MPLKIP: variants seen among roughly 807,000 people sequenced by gnomAD.
MPLKIP encodes the protein M-phase-specific PLK1-interacting protein.
A neutral mutation model predicts 16.9 loss-of-function variants in MPLKIP; 16 were observed. That is an observed-to-expected ratio of 0.94 (90% confidence interval 0.64 to 1.43). The LOEUF (loss-of-function observed/expected upper bound fraction) is 1.43, where lower values mean the gene tolerates loss of function less well. Ranked by LOEUF, MPLKIP falls within the 40% of genes most tolerant of loss-of-function variation. MPLKIP has a pLI of 0.00. For synonymous variants in MPLKIP, 126 were observed against 98.4 expected (o/e 1.28, Z -1.66); for missense variants, 282 against 237.6 (o/e 1.19, Z -1.23).
At chr7:40,133,387 TACAAAGTCCATG>T (rs1787502175) in intron 1 of MPLKIP, 128 bp from the exon 2 acceptor site, 1 of 800,296 alleles carries the variant, frequency 1.2e-6, no homozygotes, top group South Asian at 1.4e-5. Flanking sequence ...AATGTTCAAT[TACAAAGTCCATG>T]CTTCCTTTAA....
In MPLKIP at chr7:40,133,094, T is replaced by C. The variant is rs1787488110; in HGVS notation, c.505A>G (p.Thr169Ala). 1.2e-6 allele frequency: 2 copies of C among 1,613,882 alleles called. No individual in the cohort carries two copies. The highest frequency in any genetic ancestry group is 3.3e-5 in the Admixed American group (2 of 59,982). The change falls in exon 2 of 2, where the codon ACA becomes GCA. Residue 169 changes from threonine (T) to alanine (A), a missense_variant. Coordinates refer to ENST00000306984, the MANE Select transcript of MPLKIP (RefSeq NM_138701.4). Reference sequence around the variant, plus strand: ...TATCTTCCTTTTTTGCCTGTGAATGTTTGAGTATTGCTGTATTGTTGGCTT... The same window carrying C: ...TATCTTCCTTTTTTGCCTGTGAATGCTTGAGTATTGCTGTATTGTTGGCTT... ...DISQQYSNTQ[T>A]FTGKKGRYFC
At chr7:40,133,956 G>C (rs1159760677) in intron 1 of MPLKIP, among the ~76,000 whole-genome samples, 3 of 151,880 alleles carry the variant, frequency 2.0e-5, no homozygotes, top group African/African-American at 7.3e-5. Flanking sequence ...TGGCAAACAG[G>C]AGGAAATGGA....
chr7:40,126,417 G>C lies in MPLKIP; in HGVS notation c.*6642C>G, dbSNP rs4723931. 0.56 allele frequency: 84,521 copies of C among 152,002 alleles called. 25,690 individuals are homozygous for C. Among genetic ancestry groups the C allele is most frequent in the African/African-American group, 0.82 (33,975 of 41,502 alleles). The allele number at this position is 152,002 out of a possible 1,614,324, so 9.4% of individuals were successfully genotyped here. A position where few individuals can be genotyped will look rare whatever the true frequency, so the allele number is the denominator to read the frequency against. On this transcript the variant is annotated 3_prime_UTR_variant, in exon 2 of 2. Coordinates refer to ENST00000306984, the MANE Select transcript of MPLKIP (RefSeq NM_138701.4). Reference sequence around the variant, plus strand: ...TCTCCTATGGTCATTTAGATTGTTGGCAATCTTTCAACTGTAAAAATTTTT... The same window carrying C: ...TCTCCTATGGTCATTTAGATTGTTGCCAATCTTTCAACTGTAAAAATTTTT...
chr7:40,133,911 AAG>A (rs1256306664), intron 1 of MPLKIP, among the ~76,000 whole-genome samples: 1 of 151,824 alleles, frequency 6.6e-6, no homozygotes. Context: ...AAAAAAGAAA[AAG>A]AACTATTTCT....
rs1449532169 is a variant in MPLKIP at position 40,128,458 on chromosome 7, A to G, written c.*4601T>C. On this transcript the variant is annotated 3_prime_UTR_variant, in exon 2 of 2. Coordinates refer to ENST00000306984, the MANE Select transcript of MPLKIP (RefSeq NM_138701.4). Reference sequence around the variant, plus strand: ...AGAATCTGAAAATGTTTCAGAAAATATAAATTCATGAACTTACTTCTAAAA... The same window carrying G: ...AGAATCTGAAAATGTTTCAGAAAATGTAAATTCATGAACTTACTTCTAAAA... The G allele has an allele frequency of 6.6e-6, 1 of 152,236 alleles. No individual in the cohort carries two copies. The highest frequency in any genetic ancestry group is 1.9e-4 in the East Asian group (1 of 5,200). 9.4% of individuals were successfully genotyped at this position (152,236 alleles called of 1,614,324 possible).
chr7:40,134,203 C>G (rs763510995), intron 1 of MPLKIP, 26 bp downstream of exon 1: 6 of 1,548,332 alleles, frequency 3.9e-6, no homozygotes, highest in Non-Finnish European at 4.4e-6. Context: ...AGTAAGAGCT[C>G]GGCAAACGCT....
chr7:40,133,385 A>G (rs1048930106), intron 1 of MPLKIP, 126 bp from the exon 2 acceptor site: 12 of 810,242 alleles, frequency 1.5e-5, no homozygotes, highest in African/African-American at 3.4e-5. Flanking sequence ...ATAATGTTCA[A>G]TTACAAAGTC....
Position 40,134,256 on chromosome 7 carries a change from G to C in MPLKIP, c.312C>G (p.Ser104=). ...PAGSQQQFGY[S]PGQQQTHPQG... is the part of the protein sequence containing the mutation. ...GGGGGTGGGTCTGCTGCTGCCCTGG[G>C]GAGTAGCCGAATTGCTGCTGGGACC... Residue 104 remains serine (S), a synonymous_variant, in exon 1 of 2, where the codon TCC becomes TCG. Coordinates refer to ENST00000306984, the MANE Select transcript of MPLKIP (RefSeq NM_138701.4). 6.4e-7 allele frequency: 1 copy of C among 1,559,786 alleles called. No homozygotes were observed. Among genetic ancestry groups the C allele is most frequent in the Non-Finnish European group, 8.7e-7 (1 of 1,151,778 alleles).
rs1787447301 is a variant in MPLKIP, at chr7:40,130,500, G to GT, written c.*2558dup. On this transcript the variant is annotated 3_prime_UTR_variant, in exon 2 of 2. Coordinates refer to ENST00000306984, the MANE Select transcript of MPLKIP (RefSeq NM_138701.4). ...AGCGTTAGCAAGAAATTTTACCTTT[G>GT]TTTTATGTTACACTTACAGTGAAAT... 1 of 152,108 alleles carries GT rather than the reference G, an allele frequency of 6.6e-6. No individual in the cohort carries two copies. The highest frequency in any genetic ancestry group is 2.1e-4 in the South Asian group (1 of 4,834). The allele number at this position is 152,108 out of a possible 1,614,324, so 9.4% of individuals were successfully genotyped here.
intron 1 of MPLKIP, 44 bp downstream of exon 1, chr7:40,134,185 T>G (rs1413722626): frequency 2.0e-6 from 3 of 1,535,140 alleles, no homozygotes; most frequent in African/African-American, 1.4e-5. Context: ...GTACCGTGCC[T>G]GCCATAAAGT....
rs753805134 is a variant in MPLKIP, at chr7:40,134,594, C to T, written c.-27G>A. The T allele has an allele frequency of 1.9e-6, 3 of 1,555,954 alleles. No individual in the cohort carries two copies. Among genetic ancestry groups the T allele is most frequent in the Admixed American group, 3.8e-5 (2 of 52,202 alleles). ...TCAGGAGCCAAAGCCGAAAACCTCGCAGCCGCGTTCTCCCACCGGAACTGT... is the reference window on the plus strand; with the variant it reads ...TCAGGAGCCAAAGCCGAAAACCTCGTAGCCGCGTTCTCCCACCGGAACTGT... On this transcript the variant is annotated 5_prime_UTR_variant, in exon 1 of 2. Coordinates refer to ENST00000306984, the MANE Select transcript of MPLKIP (RefSeq NM_138701.4).
At position 40,128,831 on chromosome 7, in the gene MPLKIP, G is replaced by C. The variant is rs1787424808; in HGVS notation, c.*4228C>G. The C allele has an allele frequency of 6.8e-6, 1 of 147,438 alleles. No individual in the cohort carries two copies. The highest frequency in any genetic ancestry group is 2.6e-5 in the African/African-American group (1 of 39,026). 9.1% of individuals were successfully genotyped at this position (147,438 alleles called of 1,614,324 possible). On this transcript the variant is annotated 3_prime_UTR_variant, in exon 2 of 2. Transcript: ENST00000306984. Reference sequence around the variant, plus strand: ...CTCGGGAGGCTGAGGCAGGAGAATTGCTTGAACTTGGGAGGCAGAGGTTGT... The same window carrying C: ...CTCGGGAGGCTGAGGCAGGAGAATTCCTTGAACTTGGGAGGCAGAGGTTGT...
chr7:40,133,699 G>A (rs1282515768), intron 1 of MPLKIP, among the ~76,000 whole-genome samples: 1 of 152,004 alleles, frequency 6.6e-6, no homozygotes, highest in African/African-American at 2.4e-5. Flanking sequence ...TAGGGGGTTG[G>A]TGTAGAATAC....
Position 40,134,490 on chromosome 7 carries a change from G to A in MPLKIP, c.78C>T (p.Ser26=), listed in dbSNP as rs762040983. 5.1e-5 allele frequency: 80 copies of A among 1,579,398 alleles called. No homozygotes were observed. Among genetic ancestry groups the A allele is most frequent in the Non-Finnish European group, 6.8e-5 (79 of 1,164,362 alleles). The change falls in exon 1 of 2, where the codon AGC becomes AGT. Residue 26 remains serine, a synonymous_variant. Coordinates refer to ENST00000306984, the MANE Select transcript of MPLKIP (RefSeq NM_138701.4). ...CGCCCCCGCCCGGGGTTCCCCGGAA[G>A]CTGCTTCCGCTACCCCAACCTCCTC... The part of the protein sequence containing the change: ...PGGGGWGSGS[S]FRGTPGGGGP...
rs1480669210 is a variant in MPLKIP at position 40,132,512 on chromosome 7, GTT to G, written c.*545_*546del. 1.2e-5 allele frequency: 2 copies of G among 163,380 alleles called. No homozygotes were observed. The highest frequency in any genetic ancestry group is 5.9e-5 in the Admixed American group (1 of 16,932). 10.1% of individuals were successfully genotyped at this position (163,380 alleles called of 1,614,324 possible). On this transcript the variant is annotated 3_prime_UTR_variant, in exon 2 of 2. Coordinates refer to ENST00000306984, the MANE Select transcript of MPLKIP (RefSeq NM_138701.4). ...CTTAAATGGGTTTCTGGGGCTTCAAGTTTTAATGCATTTTAACAGAAGCATTA... is the reference window on the plus strand; with the variant it reads ...CTTAAATGGGTTTCTGGGGCTTCAAGTTAATGCATTTTAACAGAAGCATTA...
At position 40,126,673 on chromosome 7, in the gene MPLKIP, C is replaced by T. The variant is rs184088355; in HGVS notation, c.*6386G>A. On this transcript the variant is annotated 3_prime_UTR_variant, in exon 2 of 2. Coordinates refer to ENST00000306984, the MANE Select transcript of MPLKIP (RefSeq NM_138701.4). ...CGAACTCCTGACCTCATGATCTGCC[C>T]GCCTCGGCCTCCCAAAGTGCTGGGA... 3,071 of 152,148 alleles carry T rather than the reference C, an allele frequency of 0.02. 44 individuals carry two copies. The highest frequency in any genetic ancestry group is 0.082 in the Middle Eastern group (24 of 294). The allele number at this position is 152,148 out of a possible 1,614,324, so 9.4% of individuals were successfully genotyped here. A position where few individuals can be genotyped will look rare whatever the true frequency, so the allele number is the denominator to read the frequency against.
At position 40,133,109 on chromosome 7, in the gene MPLKIP, A is replaced by G; in HGVS notation, c.490T>C (p.Tyr164His). 6.2e-7 allele frequency: 1 copy of G among 1,614,034 alleles called. No homozygotes were observed. The highest frequency in any genetic ancestry group is 8.5e-7 in the Non-Finnish European group (1 of 1,179,988). The change falls in exon 2 of 2, where the codon TAC becomes CAC. Residue 164 changes from tyrosine (Y) to histidine (H), a missense_variant. By Grantham distance (83) the Tyr-to-His change is moderately conservative. Coordinates refer to ENST00000306984, the MANE Select transcript of MPLKIP (RefSeq NM_138701.4). ...CCTGTGAATGTTTGAGTATTGCTGT[A>G]TTGTTGGCTTATATCCACTACAGAT... ...PVSVVDISQQYSNTQTFTGKK... is the reference protein window; with the variant it reads ...PVSVVDISQQHSNTQTFTGKK...
rs766280337 is a variant in MPLKIP, at chr7:40,134,593, G to C, written c.-26C>G. 6 of 1,557,952 alleles carry C rather than the reference G, an allele frequency of 3.9e-6. No homozygotes were observed. Among genetic ancestry groups the C allele is most frequent in the African/African-American group, 1.4e-5 (1 of 73,918 alleles). On this transcript the variant is annotated 5_prime_UTR_variant, in exon 1 of 2. Transcript: ENST00000306984. ...ATCAGGAGCCAAAGCCGAAAACCTC[G>C]CAGCCGCGTTCTCCCACCGGAACTG...
intron 1 of MPLKIP, among the ~76,000 whole-genome samples, 161 bp downstream of exon 1, chr7:40,134,068 G>C (rs892123759): frequency 6.6e-6 from 1 of 152,112 alleles, no homozygotes; most frequent in Non-Finnish European, 1.5e-5. Flanking sequence ...TAATCTTCCG[G>C]AAGTCACTCA....
Sources: gnomAD v4.1 joint callset for allele counts (sites outside exome capture counted in the v4.1 genomes callset) on GRCh38, gnomAD v4.1.1 for gene constraint, MANE v1.5 for transcripts, NCBI Gene and HGNC (gene_info 2026-07-23, HGNC 2026-07-21) for gene names.